GMDS: variants seen among roughly 807,000 people sequenced by gnomAD.
The protein encoded by GMDS is GDP-mannose 4,6-dehydratase.
In GMDS, 20 loss-of-function variants were observed where a neutral mutation model predicts 49.9. The observed-to-expected ratio is 0.40, with a 90% CI of 0.28 to 0.58. GMDS has a LOEUF of 0.58. GMDS is among the 20% of genes least tolerant of loss of function. The pLI is 0.42. For missense variants in GMDS, 362 were observed against 481.4 expected, an observed-to-expected ratio of 0.75 and a Z score of 2.32; for synonymous variants, 177 against 178.6, an observed-to-expected ratio of 0.99 and a Z score of 0.07.
chr6:2,137,083 G>A (rs1776045122), intron 1 of GMDS, among the ~76,000 whole-genome samples: 1 of 152,112 alleles, frequency 6.6e-6, no homozygotes, highest in Admixed American at 6.5e-5. Context: ...AAATTTATCA[G>A]TATCAACAAA....
chr6:1,933,723 C>A (rs986520927), intron 6 of GMDS, among the ~76,000 whole-genome samples: 1 of 152,160 alleles, frequency 6.6e-6, no homozygotes, highest in Non-Finnish European at 1.5e-5. Flanking sequence ...GATTACTTAT[C>A]TTTTTATTAT....
chr6:1,959,815 G>C, intron 6 of GMDS, 52 bp downstream of exon 6: 6 of 1,040,048 alleles, frequency 5.8e-6, no homozygotes, highest in Non-Finnish European at 8.8e-6. Context: ...CATGCAACTT[G>C]TTGTTGTTGT....
At chr6:1,735,445 G>A (rs1766968237) in intron 8 of GMDS, among the ~76,000 whole-genome samples, 1 of 152,224 alleles carries the variant, frequency 6.6e-6, no homozygotes, top group Admixed American at 6.5e-5. Flanking sequence ...TAGGCACCTA[G>A]CACAGACTAG....
chr6:2,140,845 T>A (rs1167657748), intron 1 of GMDS, among the ~76,000 whole-genome samples: 1 of 152,198 alleles, frequency 6.6e-6, no homozygotes, highest in East Asian at 1.9e-4. Flanking sequence ...CAGGGTAGCT[T>A]CAAAGTAGCA....
At chr6:1,876,423 G>A (rs1238222379) in intron 7 of GMDS, among the ~76,000 whole-genome samples, 2 of 152,160 alleles carry the variant, frequency 1.3e-5, no homozygotes, top group South Asian at 2.1e-4. Context: ...TAATCCTTAC[G>A]ATATAATAAC....
chr6:1,976,325 T>C (rs1476978959), intron 4 of GMDS, among the ~76,000 whole-genome samples: 3 of 152,206 alleles, frequency 2.0e-5, no homozygotes, highest in African/African-American at 7.2e-5. Context: ...CATACATACA[T>C]AAAACCATGA....
intron 9 of GMDS, among the ~76,000 whole-genome samples, chr6:1,644,956 G>C (rs1228316523): frequency 6.8e-6 from 1 of 147,282 alleles, no homozygotes; most frequent in South Asian, 2.2e-4. Flanking sequence ...TTTTAAACGA[G>C]ACGGAGTCTT....
Position 1,959,977 on chromosome 6 carries a change from G to C in GMDS, c.539-6C>G. On this transcript the variant is annotated splice_region_variant and splice_polypyrimidine_tract_variant and intron_variant, in intron 5 of 10. Transcript: ENST00000380815. ...GGCATAGAGTTTTGCTGCCCCTGTT[G>C]GAATAATTTTTTTTAAGCAATGAAG... 6.4e-7 allele frequency: 1 copy of C among 1,561,640 alleles called. No homozygotes were observed. Among genetic ancestry groups the C allele is most frequent in the South Asian group, 1.2e-5 (1 of 85,980 alleles).
At chr6:1,776,120 C>G (rs7760202) in intron 7 of GMDS, among the ~76,000 whole-genome samples, 1 of 151,460 alleles carries the variant, frequency 6.6e-6, no homozygotes. Flanking sequence ...CAACGAAAGC[C>G]GTGACCGTTC....
intron 8 of GMDS, among the ~76,000 whole-genome samples, chr6:1,729,061 T>C (rs1422703655): frequency 6.6e-6 from 1 of 152,170 alleles, no homozygotes; most frequent in Non-Finnish European, 1.5e-5. Flanking sequence ...GTTAATGGTA[T>C]CGCCTCACCC....
chr6:2,210,597 G>A (rs1485541846), intron 1 of GMDS, among the ~76,000 whole-genome samples: 1 of 152,016 alleles, frequency 6.6e-6, no homozygotes, highest in Admixed American at 6.6e-5. Flanking sequence ...CTCCCAAGGT[G>A]GGAAAGGAAA....
chr6:1,692,711 G>A (rs73403781), intron 9 of GMDS, among the ~76,000 whole-genome samples: 6,905 of 152,252 alleles, frequency 0.045, 161 homozygotes, highest in South Asian at 0.069. Context: ...TTTCATGACA[G>A]ACATTATAGA....
intron 4 of GMDS, among the ~76,000 whole-genome samples, chr6:2,107,992 C>T (rs1237844502): frequency 1.3e-5 from 2 of 152,126 alleles, no homozygotes; most frequent in Non-Finnish European, 2.9e-5. Context: ...CTAAAAATTA[C>T]ATAAGACAAG....
intron 1 of GMDS, among the ~76,000 whole-genome samples, chr6:2,233,229 T>C (rs950441658): frequency 2.0e-5 from 3 of 152,186 alleles, no homozygotes; most frequent in African/African-American, 4.8e-5. Context: ...CCTCCCTCCC[T>C]AGCTTCCTTC....
intron 1 of GMDS, among the ~76,000 whole-genome samples, chr6:2,178,978 A>T (rs772646346): frequency 6.6e-6 from 1 of 152,206 alleles, no homozygotes; most frequent in Non-Finnish European, 1.5e-5. Flanking sequence ...TCTTCCATTG[A>T]ATAACTTTGT....
At chr6:1,821,626 T>G (rs937160160) in intron 7 of GMDS, among the ~76,000 whole-genome samples, 4 of 150,122 alleles carry the variant, frequency 2.7e-5, no homozygotes, top group South Asian at 2.1e-4. Flanking sequence ...TTTTTTTTTT[T>G]TTTTTTTTTT....
chr6:1,739,140 G>GT (rs1040711249), intron 8 of GMDS, among the ~76,000 whole-genome samples: 31 of 152,212 alleles, frequency 2.0e-4, no homozygotes, highest in Admixed American at 1.4e-3. Flanking sequence ...CTATCACAAA[G>GT]TTTTTTTTGA....
intron 7 of GMDS, among the ~76,000 whole-genome samples, chr6:1,743,278 G>A (rs1225564741): frequency 6.6e-6 from 1 of 152,194 alleles, no homozygotes; most frequent in Non-Finnish European, 1.5e-5. Context: ...GTCTAGCAGG[G>A]CGCGGTGGCT....
At position 1,685,777 on chromosome 6, in the gene GMDS, T is replaced by C. The variant is rs75072740; in HGVS notation, c.987+40639A>G. On this transcript the variant is annotated intron_variant, in intron 9 of 10. Coordinates refer to ENST00000380815, the MANE Select transcript of GMDS (RefSeq NM_001500.4). ...TGGGAAGGAATGGAGGGGCACAGGATGGAGATTTTCCCAATCAAGTTGGGG... is the reference window on the plus strand; with the variant it reads ...TGGGAAGGAATGGAGGGGCACAGGACGGAGATTTTCCCAATCAAGTTGGGG... Among the ~76,000 whole-genome samples the C allele has an allele frequency of 3.2e-4, 48 of 152,210 alleles. 1 individual carries two copies. In the East Asian group the frequency reaches 9.3e-3, roughly 29 times the overall value.
Sources: gnomAD v4.1 joint callset for allele counts (sites outside exome capture counted in the v4.1 genomes callset) on GRCh38, gnomAD v4.1.1 for gene constraint, MANE v1.5 for transcripts, NCBI Gene and HGNC (gene_info 2026-07-23, HGNC 2026-07-21) for gene names.